MAML3: variants seen among roughly 807,000 people sequenced by gnomAD.
The protein encoded by MAML3 is mastermind like transcriptional coactivator 3.
In MAML3, 27 loss-of-function variants were observed where a neutral mutation model predicts 101.9. That is an observed-to-expected ratio of 0.27 (90% CI 0.20 to 0.37). The LOEUF is 0.37. Ranked by LOEUF, MAML3 falls within the 10% of genes least tolerant of loss-of-function variation. The pLI, the probability that MAML3 is intolerant of heterozygous loss-of-function variation, is 1.00. For synonymous variants in MAML3, 501 were observed against 555.9 expected, an observed-to-expected ratio of 0.90 and a Z score of 1.39; for missense variants, 1,316 against 1,444.9, an observed-to-expected ratio of 0.91 and a Z score of 1.45.
At chr4:139,997,225 T>A (rs1481720698) in intron 1 of MAML3, among the ~76,000 whole-genome samples, 1 of 151,564 alleles carries the variant, frequency 6.6e-6, no homozygotes, top group Non-Finnish European at 1.5e-5. Context: ...TATGTCACTT[T>A]TTTTTGTAGT....
intron 1 of MAML3, among the ~76,000 whole-genome samples, chr4:139,905,491 C>CAAAA (rs57898254): frequency 1.3e-5 from 1 of 79,976 alleles, no homozygotes; most frequent in Non-Finnish European, 2.7e-5. Flanking sequence ...GACTCTGTCT[C>CAAAA]AAAAAAAAAA....
intron 1 of MAML3, among the ~76,000 whole-genome samples, chr4:140,069,890 C>G (rs142894283): frequency 2.6e-5 from 4 of 151,180 alleles, no homozygotes; most frequent in Non-Finnish European, 4.4e-5. Context: ...CCGAGGCTGG[C>G]GGATTACCTG....
At chr4:139,991,518 A>C (rs1167963189) in intron 1 of MAML3, among the ~76,000 whole-genome samples, 1 of 152,234 alleles carries the variant, frequency 6.6e-6, no homozygotes, top group Non-Finnish European at 1.5e-5. Context: ...AAAGATGTTG[A>C]ATAAGAATAG....
At chr4:139,732,833 G>A (rs1055900424) in intron 2 of MAML3, among the ~76,000 whole-genome samples, 25 of 152,120 alleles carry the variant, frequency 1.6e-4, no homozygotes, top group Admixed American at 4.6e-4. Context: ...AGTGTACTGC[G>A]TTCTATTTTT....
chr4:139,993,399 T>C (rs547408629), intron 1 of MAML3, among the ~76,000 whole-genome samples: 1 of 151,906 alleles, frequency 6.6e-6, no homozygotes, highest in Non-Finnish European at 1.5e-5. Flanking sequence ...ATATATTACA[T>C]AGATACATTC....
At chr4:139,767,481 C>T (rs1198890304) in intron 2 of MAML3, among the ~76,000 whole-genome samples, 1 of 152,162 alleles carries the variant, frequency 6.6e-6, no homozygotes, top group African/African-American at 2.4e-5. Context: ...GTGATGCTTC[C>T]TTTTTTCTTC....
chr4:139,771,998 G>C lies in MAML3; in HGVS notation c.2080-41331C>G, dbSNP rs62322607. Among the ~76,000 whole-genome samples, 349 of 151,454 alleles carry C rather than the reference G, an allele frequency of 2.3e-3. 2 individuals carry two copies. Among genetic ancestry groups the C allele is most frequent in the Non-Finnish European group, 3.1e-3 (209 of 67,862 alleles). On this transcript the variant is annotated intron_variant, in intron 2 of 4. Transcript: ENST00000509479. Reference sequence around the variant, plus strand: ...CTCACGCCTGTAATCCCAGCACTTTGGGAGGCCGAGGTGGGCGGATCACGA... The same window carrying C: ...CTCACGCCTGTAATCCCAGCACTTTCGGAGGCCGAGGTGGGCGGATCACGA...
chr4:140,093,566 G>A (rs982078877), intron 1 of MAML3, among the ~76,000 whole-genome samples: 19 of 151,686 alleles, frequency 1.3e-4, no homozygotes, highest in East Asian at 5.8e-4. Flanking sequence ...ACAGGCACCC[G>A]CCACCACGCC....
chr4:139,927,758 G>T (rs917270349), intron 1 of MAML3, among the ~76,000 whole-genome samples: 2 of 152,070 alleles, frequency 1.3e-5, no homozygotes, highest in Non-Finnish European at 2.9e-5. Flanking sequence ...ACATTTATGC[G>T]GACTCCTATG....
At chr4:140,123,936 ACT>A (rs749382293) in intron 1 of MAML3, among the ~76,000 whole-genome samples, 26 of 152,128 alleles carry the variant, frequency 1.7e-4, no homozygotes, top group Non-Finnish European at 3.2e-4. Flanking sequence ...AACAAATAAC[ACT>A]GTTTTTGCAT....
At chr4:140,130,271 G>A (rs1202294144) in intron 1 of MAML3, among the ~76,000 whole-genome samples, 1 of 152,144 alleles carries the variant, frequency 6.6e-6, no homozygotes, top group East Asian at 1.9e-4. Flanking sequence ...TAGAATTGAA[G>A]GAACAATGTC....
At chr4:140,131,565 G>A (rs936315389) in intron 1 of MAML3, among the ~76,000 whole-genome samples, 6 of 152,226 alleles carry the variant, frequency 3.9e-5, no homozygotes, top group African/African-American at 1.2e-4. Context: ...GAAAAGTGGA[G>A]TAACTTTTCC....
intron 2 of MAML3, among the ~76,000 whole-genome samples, chr4:139,764,949 C>T (rs907321): frequency 0.97 from 147,283 of 152,326 alleles, 71,315 homozygotes; most frequent in Non-Finnish European, 0.99. Context: ...CCTGGGTTCA[C>T]GGGGAAGCAG....
chr4:140,027,114 C>G (rs190160501), intron 1 of MAML3, among the ~76,000 whole-genome samples: 1 of 151,816 alleles, frequency 6.6e-6, no homozygotes, highest in African/African-American at 2.4e-5. Flanking sequence ...ACTGGCTGAG[C>G]CCAATGTCCC....
At chr4:139,882,839 ACT>A (rs371443711) in intron 2 of MAML3, among the ~76,000 whole-genome samples, 186 of 152,286 alleles carry the variant, frequency 1.2e-3, no homozygotes, top group African/African-American at 4.3e-3. Context: ...ATGGAGCGAG[ACT>A]CTGTCTTAAA....
intron 1 of MAML3, among the ~76,000 whole-genome samples, chr4:139,964,351 C>T (rs977005262): frequency 5.9e-5 from 9 of 152,114 alleles, no homozygotes; most frequent in Non-Finnish European, 1.2e-4. Flanking sequence ...AAAAACCAAA[C>T]ACCACATGGT....
Position 139,749,514 on chromosome 4 carries a change from C to A in MAML3, c.2080-18847G>T, listed in dbSNP as rs559836425. 2.6e-5 allele frequency among the ~76,000 whole-genome samples: 4 copies of A among 152,296 alleles called. No homozygotes were observed. The South Asian group carries it at 8.3e-4, about 32-fold the overall frequency. On this transcript the variant is annotated intron_variant, in intron 2 of 4. Transcript: ENST00000509479. ...GACACAGTACTCATGGCAACAGGAACTATTTCCTTTGGCTTATGAGCTCTG... is the reference window on the plus strand; with the variant it reads ...GACACAGTACTCATGGCAACAGGAAATATTTCCTTTGGCTTATGAGCTCTG...
chr4:140,000,981 T>C (rs1235133917), intron 1 of MAML3, among the ~76,000 whole-genome samples: 2 of 151,780 alleles, frequency 1.3e-5, no homozygotes, highest in African/African-American at 2.4e-5. Flanking sequence ...TGAGCTGAGA[T>C]CATGTCATTG....
intron 1 of MAML3, among the ~76,000 whole-genome samples, chr4:139,921,991 G>A (rs1733139059): frequency 6.6e-6 from 1 of 152,112 alleles, no homozygotes; most frequent in South Asian, 2.1e-4. Context: ...AAATTTGATC[G>A]AACAACTAAA....
Sources: gnomAD v4.1 joint callset for allele counts (sites outside exome capture counted in the v4.1 genomes callset) on GRCh38, gnomAD v4.1.1 for gene constraint, MANE v1.5 for transcripts, NCBI Gene and HGNC (gene_info 2026-07-23, HGNC 2026-07-21) for gene names.